TICAM1: variants seen among roughly 807,000 people sequenced by gnomAD.
TICAM1 encodes the protein TIR domain containing adaptor molecule 1, also known as TIR domain-containing adapter molecule 1.
For synonymous variants in TICAM1, 439 were observed against 415.4 expected, an observed-to-expected ratio of 1.06 and a Z score of -0.69; for missense variants, 895 against 938.2, an observed-to-expected ratio of 0.95 and a Z score of 0.60.
At chr19:4,821,955 GAC>G (rs2093598296) in intron 1 of TICAM1, among the ~76,000 whole-genome samples, 1 of 148,872 alleles carries the variant, frequency 6.7e-6, no homozygotes, top group Non-Finnish European at 1.5e-5. Context: ...TTTTTTTTGA[GAC>G]AGAGTTTCAC....
At chr19:4,820,437 G>T (rs1245645133) in intron 1 of TICAM1, among the ~76,000 whole-genome samples, 1 of 146,984 alleles carries the variant, frequency 6.8e-6, no homozygotes, top group Non-Finnish European at 1.5e-5. Context: ...AAAAAAAAAA[G>T]TTTGGAGCCA....
chr19:4,825,208 C>T (rs984970140), intron 1 of TICAM1, among the ~76,000 whole-genome samples: 9 of 151,254 alleles, frequency 6.0e-5, no homozygotes, highest in Non-Finnish European at 1.0e-4. Context: ...GGAACCCGGG[C>T]GGCAGAGGTT....
chr19:4,826,145 G>A (rs1222601227), intron 1 of TICAM1, among the ~76,000 whole-genome samples: 2 of 151,904 alleles, frequency 1.3e-5, no homozygotes, highest in Non-Finnish European at 2.9e-5. Flanking sequence ...CTGGGCAATA[G>A]AGTGAGACGC....
chr19:4,823,006 G>A (rs2093600146), intron 1 of TICAM1, among the ~76,000 whole-genome samples: 1 of 152,142 alleles, frequency 6.6e-6, no homozygotes, highest in African/African-American at 2.4e-5. Context: ...GTTTTTGTTT[G>A]TTTGTTTTTG....
At position 4,818,112 on chromosome 19, in the gene TICAM1, G is replaced by A; in HGVS notation, c.266C>T (p.Pro89Leu). ...GGCCACAGCCCAGGACACATCTGGG[G>A]GCTCCTCTGGGTCCTCGGTGCTGTC... ...GVDSTEDPEE[P>L]PDVSWAVARL... Residue 89 changes from proline (P) to leucine (L), a missense_variant, in exon 2 of 2, where the codon CCC (proline) becomes CTC (leucine). Transcript: ENST00000248244. The surrounding 1 kb of genome is among the most constrained non-coding windows in gnomAD (Gnocchi z 4.0). 1 of 1,608,220 alleles carries A rather than the reference G, an allele frequency of 6.2e-7. No homozygotes were observed. Among genetic ancestry groups the A allele is most frequent in the Non-Finnish European group, 8.5e-7 (1 of 1,179,776 alleles).
rs373241772 is a variant in TICAM1 at position 4,818,011 on chromosome 19, G to A, written c.367C>T (p.Arg123Cys). ...TGGTCGTCCCTGGAGCTGAGGGTGC[G>A]GACGGCTTCCTGGTAGGCCACGTCC... ...LRDVAYQEAVRTLSSRDDHRL... is the reference protein window; with the variant it reads ...LRDVAYQEAVCTLSSRDDHRL... The change falls in exon 2 of 2, where the codon CGC (arginine) becomes TGC (cysteine). Residue 123 changes from arginine to cysteine, a missense_variant. Arg to Cys is a radical substitution (Grantham distance 180). Coordinates refer to ENST00000248244, the MANE Select transcript of TICAM1 (RefSeq NM_182919.4). The surrounding 1 kb of genome is among the most constrained non-coding windows in gnomAD (Gnocchi z 4.0). The A allele has an allele frequency of 8.1e-5, 130 of 1,611,870 alleles. No individual in the cohort carries two copies. In the South Asian group the frequency reaches 1.2e-3, roughly 14 times the overall value.
chr19:4,819,136 T>C (rs1444997450), intron 1 of TICAM1, among the ~76,000 whole-genome samples: 1 of 151,594 alleles, frequency 6.6e-6, no homozygotes, highest in Non-Finnish European at 1.5e-5. Flanking sequence ...TAGCTGGGCG[T>C]GGTGGCACGT....
In TICAM1 at chr19:4,819,980, A is replaced by G. The variant is rs144927985; in HGVS notation, c.-139-1464T>C. Among the ~76,000 whole-genome samples the G allele has an allele frequency of 1.9e-3, 295 of 152,306 alleles. 2 individuals carry two copies. In the East Asian group the frequency reaches 0.026, roughly 13 times the overall value. ...TCCAACACTGTCCCAGCGTTGGACT[A>G]TGACATTAACAGAATATGGCAAGGG... is the stretch of plus-strand genomic sequence containing the variant. On this transcript the variant is annotated intron_variant, in intron 1 of 1. Coordinates refer to ENST00000248244, the MANE Select transcript of TICAM1 (RefSeq NM_182919.4).
intron 1 of TICAM1, among the ~76,000 whole-genome samples, chr19:4,828,841 T>G (rs1028147301): frequency 6.6e-6 from 1 of 152,068 alleles, no homozygotes; most frequent in African/African-American, 2.4e-5. Flanking sequence ...TAGCTGGGAC[T>G]ACAGGTGCAT....
chr19:4,827,004 A>AAAT (rs139949265), intron 1 of TICAM1, among the ~76,000 whole-genome samples: 50,902 of 150,208 alleles, frequency 0.34, 9,325 homozygotes, highest in East Asian at 0.46. Context: ...TAATCTTAGG[A>AAAT]AATAATAATA....
At chr19:4,821,361 A>G (rs1047834046) in intron 1 of TICAM1, among the ~76,000 whole-genome samples, 2 of 152,158 alleles carry the variant, frequency 1.3e-5, no homozygotes, top group African/African-American at 4.8e-5. Flanking sequence ...TATATTACAT[A>G]CGACAATATA....
chr19:4,817,628 A>C lies in TICAM1; in HGVS notation c.750T>G (p.Pro250=). The C allele has an allele frequency of 6.3e-7, 1 of 1,589,018 alleles. No individual in the cohort carries two copies. Among genetic ancestry groups the C allele is most frequent in the Non-Finnish European group, 8.6e-7 (1 of 1,167,590 alleles). ...PEPVPGGCQE[P]EEMSWPPSGE... ...CCGATGGCGGCCAGCTCATCTCCTC[A>C]GGCTCCTGGCAGCCACCGGGGACAG... The change falls in exon 2 of 2, where the codon CCT becomes CCG. Residue 250 remains proline (P), a synonymous_variant. Transcript: ENST00000248244. This position sits in a 1 kb window ranked among gnomAD's most constrained non-coding sequence, Gnocchi z 4.7.
Position 4,816,836 on chromosome 19 carries a change from G to A in TICAM1, c.1542C>T (p.Asp514=), listed in dbSNP as rs2093586494. 3.1e-6 allele frequency: 5 copies of A among 1,612,526 alleles called. No individual in the cohort carries two copies. The highest frequency in any genetic ancestry group is 1.3e-5 in the African/African-American group (1 of 75,058). Residue 514 remains aspartate (D), a synonymous_variant, in exon 2 of 2, where the codon GAC becomes GAT. Transcript: ENST00000248244. The surrounding 1 kb of genome is among the most constrained non-coding windows in gnomAD (Gnocchi z 4.3). ...TCCTGGCGAAGATCTGGGAGTGTTC[G>A]TCCAGCCGCACCAGCCCGGAGAGCA... is the stretch of plus-strand genomic sequence containing the variant. ...ASLLSGLVRL[D]EHSQIFARKV...
Position 4,818,551 on chromosome 19 carries a change from C to T in TICAM1, c.-139-35G>A, listed in dbSNP as rs371089964. On this transcript the variant is annotated intron_variant, in intron 1 of 1. Coordinates refer to ENST00000248244, the MANE Select transcript of TICAM1 (RefSeq NM_182919.4). The surrounding 1 kb of genome is among the most constrained non-coding windows in gnomAD (Gnocchi z 4.0). ...ACAGGAGAAGCAAACACACTTACCC[C>T]CAAGAAAGGTCAGCACGGGAAGGCG... is the stretch of plus-strand genomic sequence containing the variant. 1.5e-6 allele frequency: 2 copies of T among 1,353,938 alleles called. No individual in the cohort carries two copies. The highest frequency in any genetic ancestry group is 1.9e-6 in the Non-Finnish European group (2 of 1,034,830). The allele number at this position is 1,353,938 out of a possible 1,614,324, so 83.9% of individuals were successfully genotyped here. A position where few individuals can be genotyped will look rare whatever the true frequency, so the allele number is the denominator to read the frequency against.
In TICAM1 at chr19:4,817,194, T is replaced by C; in HGVS notation, c.1184A>G (p.Tyr395Cys). The change falls in exon 2 of 2, where the codon TAT becomes TGT. Residue 395 changes from tyrosine to cysteine, a missense_variant. By Grantham distance (194) the Tyr-to-Cys change is radical (BLOSUM62 -2). Transcript: ENST00000248244. This position sits in a 1 kb window ranked among gnomAD's most constrained non-coding sequence, Gnocchi z 4.7. ...CCTGGCGTGGAGGATCACAAAGTTATAGAATTTCTGTTCCGATGATGATTC... is the reference window on the plus strand; with the variant it reads ...CCTGGCGTGGAGGATCACAAAGTTACAGAATTTCTGTTCCGATGATGATTC... ...SLESSSEQKF[Y>C]NFVILHARAD... The C allele has an allele frequency of 3.1e-6, 5 of 1,613,692 alleles. No homozygotes were observed. Among genetic ancestry groups the C allele is most frequent in the South Asian group, 1.1e-5 (1 of 91,064 alleles).
At position 4,827,653 on chromosome 19, in the gene TICAM1, A is replaced by G. The variant is rs183610361; in HGVS notation, c.-140+3961T>C. On this transcript the variant is annotated intron_variant, in intron 1 of 1. Transcript: ENST00000248244. ...GGCACCTGTACTCCCAGCTACTCGG[A>G]AGGCTGAGGCAGGAGAATGGTGTGA... Among the ~76,000 whole-genome samples, 358 of 148,960 alleles carry G rather than the reference A, an allele frequency of 2.4e-3. 3 individuals carry two copies. The East Asian group carries it at 0.031, about 13-fold the overall frequency.
chr19:4,828,077 T>C (rs2093608518), intron 1 of TICAM1, among the ~76,000 whole-genome samples: 2 of 152,060 alleles, frequency 1.3e-5, no homozygotes, highest in South Asian at 4.1e-4. Flanking sequence ...ATGCTGAAAA[T>C]TCATTGAGTT....
At chr19:4,829,320 C>T (rs1002561412) in intron 1 of TICAM1, among the ~76,000 whole-genome samples, 2 of 146,132 alleles carry the variant, frequency 1.4e-5, no homozygotes, top group East Asian at 2.0e-4. Flanking sequence ...TCTAAAATCA[C>T]GTGGTCTTTC....
Position 4,816,852 on chromosome 19 carries a change from C to G in TICAM1, c.1526G>C (p.Gly509Ala). The G allele has an allele frequency of 6.2e-7, 1 of 1,612,690 alleles. No individual in the cohort carries two copies. The highest frequency in any genetic ancestry group is 1.1e-5 in the South Asian group (1 of 91,090). ...GGAGTGTTCGTCCAGCCGCACCAGCCCGGAGAGCAGGCTGGCCGTGTCGGA... is the reference window on the plus strand; with the variant it reads ...GGAGTGTTCGTCCAGCCGCACCAGCGCGGAGAGCAGGCTGGCCGTGTCGGA... ...LSSDTASLLS[G>A]LVRLDEHSQI... Residue 509 changes from glycine (G) to alanine (A), a missense_variant, in exon 2 of 2, where the codon GGG becomes GCG. Transcript: ENST00000248244. The surrounding 1 kb of genome is among the most constrained non-coding windows in gnomAD (Gnocchi z 4.3).
Sources: allele counts gnomAD v4.1 joint callset (sites outside exome capture counted in the v4.1 genomes callset), GRCh38; gene constraint gnomAD v4.1.1; non-coding constraint Gnocchi (gnomAD v3.1); transcripts MANE v1.5; gene names NCBI Gene and HGNC (gene_info 2026-07-23, HGNC 2026-07-21).